The following PRKN variants were observed in gnomAD, a reference collection of about 807,000 sequenced individuals.
PRKN encodes E3 ubiquitin-protein ligase parkin.
Under a neutral mutation model 59.5 loss-of-function variants are expected in PRKN, and 56 were observed. The observed-to-expected ratio is 0.94, with a 90% CI of 0.76 to 1.18. The LOEUF (loss-of-function observed/expected upper bound fraction) is 1.18, where lower values mean the gene tolerates loss of function less well. Ranked by LOEUF, PRKN falls within the 50% of genes most tolerant of loss-of-function variation. PRKN has a pLI of 0.00. For missense variants in PRKN, 657 were observed against 596.4 expected (o/e 1.10, Z -1.06); for synonymous variants, 250 against 222.1 (o/e 1.13, Z -1.12).
intron 1 of PRKN, among the ~76,000 whole-genome samples, chr6:162,684,274 C>T (rs1381679511): frequency 6.6e-6 from 1 of 151,832 alleles, no homozygotes; most frequent in Admixed American, 6.6e-5. Context: ...GTTTTCTACC[C>T]TTGAGATTTA....
At chr6:161,626,780 C>T (rs1884155) in intron 7 of PRKN, among the ~76,000 whole-genome samples, 37,890 of 152,170 alleles carry the variant, frequency 0.25, 4,895 homozygotes, top group Non-Finnish European at 0.29. Flanking sequence ...TCAGCAGCCA[C>T]GGCTGGCTGG....
chr6:162,611,612 G>A (rs985940095), intron 1 of PRKN, among the ~76,000 whole-genome samples: 1 of 152,140 alleles, frequency 6.6e-6, no homozygotes, highest in Non-Finnish European at 1.5e-5. Context: ...CACACACTGA[G>A]GGACATTTAC....
At chr6:162,165,823 C>T (rs886298574) in intron 4 of PRKN, among the ~76,000 whole-genome samples, 8 of 151,616 alleles carry the variant, frequency 5.3e-5, no homozygotes, top group African/African-American at 9.7e-5. Context: ...CCGAGGCAGG[C>T]GGATCCCCTT....
chr6:162,413,287 A>G (rs1788439072), intron 2 of PRKN, among the ~76,000 whole-genome samples: 1 of 152,192 alleles, frequency 6.6e-6, no homozygotes, highest in African/African-American at 2.4e-5. Context: ...TCAGCTTCAG[A>G]CCACGACACA....
intron 1 of PRKN, among the ~76,000 whole-genome samples, chr6:162,483,807 G>C (rs1792413743): frequency 6.6e-6 from 1 of 152,192 alleles, no homozygotes; most frequent in Non-Finnish European, 1.5e-5. Context: ...ACATATGTAA[G>C]ATGATGTGTC....
At chr6:162,377,885 T>TAAGG (rs1786206101) in intron 2 of PRKN, among the ~76,000 whole-genome samples, 1 of 152,188 alleles carries the variant, frequency 6.6e-6, no homozygotes, top group Non-Finnish European at 1.5e-5. Context: ...ATGTGGAATT[T>TAAGG]CAAGTGAAAG....
intron 2 of PRKN, among the ~76,000 whole-genome samples, chr6:162,286,507 C>CA (rs1781200735): frequency 3.3e-5 from 5 of 152,134 alleles, no homozygotes; most frequent in Admixed American, 3.3e-4. Flanking sequence ...ATACTGACTC[C>CA]AATAAAATTT....
At chr6:162,489,898 A>G (rs1163809875) in intron 1 of PRKN, among the ~76,000 whole-genome samples, 1 of 152,076 alleles carries the variant, frequency 6.6e-6, no homozygotes, top group Admixed American at 6.6e-5. Context: ...ATTATCCCCA[A>G]TTTCCTTGGG....
At chr6:161,426,557 C>A (rs1788366699) in intron 9 of PRKN, among the ~76,000 whole-genome samples, 1 of 151,854 alleles carries the variant, frequency 6.6e-6, no homozygotes, top group South Asian at 2.1e-4. Flanking sequence ...GGGACTCAGA[C>A]TGGCTCTCCT....
At chr6:161,394,016 G>C (rs563498261) in intron 9 of PRKN, among the ~76,000 whole-genome samples, 2 of 152,222 alleles carry the variant, frequency 1.3e-5, no homozygotes, top group South Asian at 4.2e-4. Context: ...GCAGAGATAC[G>C]TAAGTCCAGC....
intron 3 of PRKN, among the ~76,000 whole-genome samples, chr6:162,205,226 C>A (rs1425248109): frequency 6.6e-6 from 1 of 152,112 alleles, no homozygotes; most frequent in Non-Finnish European, 1.5e-5. Flanking sequence ...CAAATCTTCT[C>A]TTTTCCTTTC....
At chr6:162,565,015 C>T (rs1780000794) in intron 1 of PRKN, among the ~76,000 whole-genome samples, 1 of 152,040 alleles carries the variant, frequency 6.6e-6, no homozygotes, top group African/African-American at 2.4e-5. Flanking sequence ...AGTAAAAAGA[C>T]TAAACAATGA....
At chr6:161,594,617 T>C (rs1427145217) in intron 7 of PRKN, among the ~76,000 whole-genome samples, 2 of 152,180 alleles carry the variant, frequency 1.3e-5, no homozygotes, top group Non-Finnish European at 2.9e-5. Flanking sequence ...CATTACAGGG[T>C]CACATATTTG....
intron 1 of PRKN, among the ~76,000 whole-genome samples, chr6:162,558,815 T>A (rs1056827172): frequency 2.6e-5 from 4 of 151,786 alleles, no homozygotes; most frequent in Non-Finnish European, 5.9e-5. Flanking sequence ...CTAATTTTTG[T>A]ATTTGTGGTA....
intron 9 of PRKN, among the ~76,000 whole-genome samples, chr6:161,392,355 G>T (rs1786550023): frequency 6.6e-6 from 1 of 151,806 alleles, no homozygotes; most frequent in Admixed American, 6.5e-5. Flanking sequence ...TTGCACTCCA[G>T]CCTGGGTGAC....
At chr6:161,819,766 C>G (rs1481908226) in intron 6 of PRKN, among the ~76,000 whole-genome samples, 1 of 152,116 alleles carries the variant, frequency 6.6e-6, no homozygotes, top group East Asian at 1.9e-4. Flanking sequence ...TAAAGCGAAT[C>G]TCAAAGAAAA....
intron 6 of PRKN, among the ~76,000 whole-genome samples, chr6:161,970,118 T>C (rs1482716739): frequency 6.6e-6 from 1 of 152,044 alleles, no homozygotes; most frequent in South Asian, 2.1e-4. Flanking sequence ...AACAGCTCAA[T>C]GCAGCCTTGA....
intron 2 of PRKN, among the ~76,000 whole-genome samples, chr6:162,272,078 A>C (rs1780415242): frequency 6.6e-6 from 1 of 151,918 alleles, no homozygotes; most frequent in South Asian, 2.1e-4. Flanking sequence ...TCTGCTGCTC[A>C]TGAGGATCCT....
In PRKN at chr6:161,547,068, G is replaced by A. The variant is rs1037070034; in HGVS notation, c.1083+1786C>T. On this transcript the variant is annotated intron_variant, in intron 9 of 11. Coordinates refer to ENST00000366898, the MANE Select transcript of PRKN (RefSeq NM_004562.3). This position sits in a 1 kb window ranked among gnomAD's most constrained non-coding sequence, Gnocchi z 4.0. ...CTACCCAGCAAAGCCACTCACGGGT[G>A]ATTCCTGACTCTCAGAAACTGTGAG... Among the ~76,000 whole-genome samples the A allele has an allele frequency of 6.6e-6, 1 of 152,122 alleles. No homozygotes were observed. Among genetic ancestry groups the A allele is most frequent in the African/African-American group, 2.4e-5 (1 of 41,420 alleles).
Sources: gnomAD v4.1 joint callset for allele counts (sites outside exome capture counted in the v4.1 genomes callset) on GRCh38, gnomAD v4.1.1 for gene constraint, Gnocchi (gnomAD v3.1) non-coding constraint, MANE v1.5 for transcripts, NCBI Gene and HGNC (gene_info 2026-07-23, HGNC 2026-07-21) for gene names.